HMGN1: variants seen among roughly 807,000 people sequenced by gnomAD.
HMGN1 encodes the protein non-histone chromosomal protein HMG-14.
Under a neutral mutation model 18.4 loss-of-function variants are expected in HMGN1, and 9 were observed. That is an observed-to-expected ratio of 0.49 (90% CI 0.29 to 0.85). The LOEUF is 0.85. Ranked by LOEUF, HMGN1 falls within the 40% of genes least tolerant of loss-of-function variation. The pLI is 0.07. For missense variants in HMGN1, 151 were observed against 119.2 expected (o/e 1.27, Z -1.24); for synonymous variants, 59 against 45.0 (o/e 1.31, Z -1.24).
chr21:39,345,728 G>A (rs1445844290), intron 4 of HMGN1: 1 of 719,144 alleles, frequency 1.4e-6, no homozygotes, highest in Admixed American at 2.3e-5. Context: ...TTGAATACCG[G>A]AGGAGTCTCG....
At chr21:39,348,612 C>T in intron 1 of HMGN1, 35 bp from the exon 2 acceptor site, 2 of 1,558,306 alleles carry the variant, frequency 1.3e-6, no homozygotes, top group Non-Finnish European at 8.7e-7. Flanking sequence ...AGAGGCGGGC[C>T]GCAGTCCCAG....
intron 1 of HMGN1, 130 bp downstream of exon 1, chr21:39,348,773 G>C (rs1569011277): frequency 4.7e-6 from 5 of 1,063,406 alleles, no homozygotes; most frequent in Non-Finnish European, 6.2e-6. Flanking sequence ...TCGCCTGCCC[G>C]CCCGCCGGTC....
chr21:39,348,006 C>A, intron 4 of HMGN1: 1 of 1,207,084 alleles, frequency 8.3e-7, no homozygotes, highest in Non-Finnish European at 1.1e-6. Flanking sequence ...AAGCACCAGC[C>A]ACAATGTACG....
At chr21:39,345,434 C>T (rs2037017697) in intron 4 of HMGN1, 160 bp from the exon 5 acceptor site, 1 of 663,126 alleles carries the variant, frequency 1.5e-6, no homozygotes, top group South Asian at 1.9e-5. Flanking sequence ...CGTGAAACCC[C>T]AATCTTCAAG....
chr21:39,347,938 G>T, intron 4 of HMGN1: 2 of 1,063,326 alleles, frequency 1.9e-6, no homozygotes, highest in Non-Finnish European at 2.3e-6. Flanking sequence ...TCCTGGCCTC[G>T]GTGCTATCTT....
At chr21:39,343,358 T>A (rs932929181) in intron 5 of HMGN1, among the ~76,000 whole-genome samples, 199 bp from the exon 6 acceptor site, 1 of 152,154 alleles carries the variant, frequency 6.6e-6, no homozygotes, top group Non-Finnish European at 1.5e-5. Flanking sequence ...TGTGCATGCA[T>A]CTACAGAGCA....
chr21:39,344,542 A>C (rs2036976480), intron 5 of HMGN1: 1 of 152,178 alleles, frequency 6.6e-6, no homozygotes, highest in Non-Finnish European at 1.5e-5. Context: ...TCCAGGCTAG[A>C]GGAGTGCAGT....
chr21:39,348,237 A>G, intron 4 of HMGN1, 55 bp downstream of exon 4: 2 of 1,589,736 alleles, frequency 1.3e-6, no homozygotes, highest in South Asian at 2.2e-5. Flanking sequence ...CCCCGCATTA[A>G]GAAGCAGTGT....
At chr21:39,345,420 T>A in intron 4 of HMGN1, 146 bp from the exon 5 acceptor site, 1 of 714,760 alleles carries the variant, frequency 1.4e-6, no homozygotes, top group Non-Finnish European at 2.3e-6. Context: ...ATCTCACACA[T>A]GAGCGTGAAA....
chr21:39,348,455 G>A lies in HMGN1; in HGVS notation c.49-4C>T. On this transcript the variant is annotated splice_region_variant and splice_polypyrimidine_tract_variant and intron_variant, in intron 2 of 5. Transcript: ENST00000380749. ...ACCGCGCCGATCTCCTCTTGGGCTT[G>A]GAGAAAGAAAAAGGAGAGTCAGCGA... The A allele has an allele frequency of 6.2e-7, 1 of 1,614,142 alleles. No individual in the cohort carries two copies. Among genetic ancestry groups the A allele is most frequent in the African/African-American group, 1.3e-5 (1 of 75,036 alleles).
chr21:39,347,499 T>C (rs924209793), intron 4 of HMGN1: 1 of 1,209,516 alleles, frequency 8.3e-7, no homozygotes, highest in Non-Finnish European at 1.1e-6. Context: ...AGGAAAGAGG[T>C]GAAGGCATTA....
chr21:39,346,169 G>A (rs989748515), intron 4 of HMGN1: 4 of 353,698 alleles, frequency 1.1e-5, no homozygotes, highest in Non-Finnish European at 2.2e-5. Context: ...TACGGATACT[G>A]ACCAATTACT....
chr21:39,345,702 G>A (rs2037026605), intron 4 of HMGN1: 1 of 565,196 alleles, frequency 1.8e-6, no homozygotes, highest in Non-Finnish European at 3.0e-6. Context: ...CCACATGACA[G>A]GACAATGTCA....
rs1395422175 is a variant in HMGN1 at position 39,349,056 on chromosome 21, A to G, written c.-139T>C. ...ACTCCTCCCGCCGCCCGAGCTGCTG[A>G]GACCCACAGCGGGGGCGGTGGGAGA... On this transcript the variant is annotated 5_prime_UTR_variant, in exon 1 of 6. Coordinates refer to ENST00000380749, the MANE Select transcript of HMGN1 (RefSeq NM_004965.7). 1.5e-5 allele frequency: 15 copies of G among 980,630 alleles called. No homozygotes were observed. The highest frequency in any genetic ancestry group is 1.8e-5 in the Non-Finnish European group (14 of 776,136). The allele number at this position is 980,630 out of a possible 1,614,324, so 60.7% of individuals were successfully genotyped here. A position where few individuals can be genotyped will look rare whatever the true frequency, so the allele number is the denominator to read the frequency against.
At chr21:39,344,995 A>AT in intron 5 of HMGN1, 151 bp downstream of exon 5, 1 of 924,920 alleles carries the variant, frequency 1.1e-6, no homozygotes, top group Non-Finnish European at 1.5e-6. Flanking sequence ...ATAGAAAACC[A>AT]TTTGTCCAAT....
Position 39,342,936 on chromosome 21 carries a change from C to T in HMGN1, c.*176G>A, listed in dbSNP as rs376888737. Reference sequence around the variant, plus strand: ...ATAAACAACCAGCAAATGATTTCACCTCTTAAAAAAAAGCATTTACACTTA... The same window carrying T: ...ATAAACAACCAGCAAATGATTTCACTTCTTAAAAAAAAGCATTTACACTTA... On this transcript the variant is annotated 3_prime_UTR_variant, in exon 6 of 6. Coordinates refer to ENST00000380749, the MANE Select transcript of HMGN1 (RefSeq NM_004965.7). The T allele has an allele frequency of 0.013, 16,707 of 1,257,276 alleles. 1,702 individuals carry two copies. In the African/African-American group the frequency reaches 0.22, roughly 17 times the overall value. The allele number at this position is 1,257,276 out of a possible 1,614,324, so 77.9% of individuals were successfully genotyped here. A position where few individuals can be genotyped will look rare whatever the true frequency, so the allele number is the denominator to read the frequency against.
intron 5 of HMGN1, 37 bp downstream of exon 5, chr21:39,345,109 T>TCTCTCACACA: frequency 7.1e-7 from 1 of 1,410,174 alleles, no homozygotes; most frequent in Non-Finnish European, 9.6e-7. Flanking sequence ...GTCAAAGCAA[T>TCTCTCACACA]CACACACACA....
chr21:39,346,844 G>C (rs2037071575), intron 4 of HMGN1: 1 of 152,112 alleles, frequency 6.6e-6, no homozygotes, highest in South Asian at 2.1e-4. Context: ...TGACCTCATA[G>C]GCTCGTTCCT....
At chr21:39,347,308 TAGTTAACATTTTTACACTC>T in intron 4 of HMGN1, 1 of 969,556 alleles carries the variant, frequency 1.0e-6, no homozygotes, top group Non-Finnish European at 1.3e-6. Context: ...AAAGAAAACA[TAGTTAACATTTTTACACTC>T]AGCTCTGTAA....
Sources: allele counts gnomAD v4.1 joint callset (sites outside exome capture counted in the v4.1 genomes callset), GRCh38; gene constraint gnomAD v4.1.1; transcripts MANE v1.5; gene names NCBI Gene and HGNC (gene_info 2026-07-23, HGNC 2026-07-21).